The following MAP9 variants were observed in gnomAD, a reference collection of about 807,000 sequenced individuals.
MAP9 encodes microtubule-associated protein 9.
Under a neutral mutation model 75.2 loss-of-function variants are expected in MAP9, and 80 were observed. The observed-to-expected ratio is 1.06, with a 90% CI of 0.89 to 1.28. MAP9 has a LOEUF of 1.28. Ranked by LOEUF, MAP9 falls within the 50% of genes most tolerant of loss-of-function variation. The pLI, the probability that MAP9 is intolerant of heterozygous loss-of-function variation, is 0.00. For missense variants in MAP9, 753 were observed against 719.9 expected (o/e 1.05, Z -0.53); for synonymous variants, 235 against 237.3 (o/e 0.99, Z 0.09).
rs1466646457 is a variant in MAP9, at chr4:155,352,578, T to C, written c.1821+18A>G. ...GGTACATGAAAAAGACGAAAGTGCA[T>C]TGACAAATAATACCTACCAGCCATT... On this transcript the variant is annotated intron_variant, in intron 13 of 13. Transcript: ENST00000311277. 1 of 1,570,626 alleles carries C rather than the reference T, an allele frequency of 6.4e-7. No individual in the cohort carries two copies. Among genetic ancestry groups the C allele is most frequent in the Non-Finnish European group, 8.6e-7 (1 of 1,159,426 alleles).
intron 6 of MAP9, chr4:155,360,969 A>G (rs1732050545): frequency 6.5e-6 from 1 of 152,764 alleles, no homozygotes; most frequent in Non-Finnish European, 1.5e-5. Flanking sequence ...AGACAAGCCT[A>G]TTGCTTATCC....
chr4:155,357,914 G>C (rs1731878330), intron 7 of MAP9, among the ~76,000 whole-genome samples: 1 of 152,076 alleles, frequency 6.6e-6, no homozygotes, highest in Non-Finnish European at 1.5e-5. Context: ...GCCTGAGAAG[G>C]GACGGAACCT....
At chr4:155,375,241 C>T (rs995630) in intron 2 of MAP9, among the ~76,000 whole-genome samples, 66,155 of 152,020 alleles carry the variant, frequency 0.44, 19,480 homozygotes, top group African/African-American at 0.82. Context: ...TCATGGAGCT[C>T]GCAGTTTAAC....
intron 5 of MAP9, 46 bp downstream of exon 5, chr4:155,368,540 G>A: frequency 4.2e-6 from 6 of 1,428,590 alleles, no homozygotes; most frequent in Non-Finnish European, 5.9e-6. Flanking sequence ...AGATAAAAAA[G>A]CATAAATTCA....
intron 5 of MAP9, among the ~76,000 whole-genome samples, chr4:155,365,276 A>G (rs1732273461): frequency 6.6e-6 from 1 of 152,110 alleles, no homozygotes; most frequent in South Asian, 2.1e-4. Flanking sequence ...AGATAAGGAA[A>G]GGAATATTAC....
At chr4:155,365,928 A>G (rs1484390352) in intron 5 of MAP9, among the ~76,000 whole-genome samples, 1 of 152,104 alleles carries the variant, frequency 6.6e-6, no homozygotes, top group Non-Finnish European at 1.5e-5. Context: ...TAAAAATAAA[A>G]GGCATCAAAA....
rs1308258021 is a variant in MAP9, at chr4:155,374,862, TG to T, written c.160+74del. 45 of 875,876 alleles carry T rather than the reference TG, an allele frequency of 5.1e-5. No homozygotes were observed. In the East Asian group the frequency reaches 7.1e-4, roughly 14 times the overall value. 54.3% of individuals were successfully genotyped at this position (875,876 alleles called of 1,614,324 possible). Reference sequence around the variant, plus strand: ...ATACGTGATTGAGGGGATGGGTGGTTGGGGGGCTGGCTAAATACAAAACTAA... The same window carrying T: ...ATACGTGATTGAGGGGATGGGTGGTTGGGGGCTGGCTAAATACAAAACTAA... On this transcript the variant is annotated intron_variant, in intron 3 of 13. Coordinates refer to ENST00000311277, the MANE Select transcript of MAP9 (RefSeq NM_001039580.2).
Position 155,352,664 on chromosome 4 carries a change from C to T in MAP9, c.1753G>A (p.Glu585Lys), listed in dbSNP as rs1032314141. The T allele has an allele frequency of 2.0e-5, 30 of 1,536,886 alleles. No individual in the cohort carries two copies. The highest frequency in any genetic ancestry group is 3.6e-5 in the Admixed American group (2 of 54,932). ...EKEKINEKRK[E>K]ELKRAEKKDK... ...TTTTTCTCAGCTCTTTTCAGTTCTT[C>T]CTTTCTTTTCTCATTTATTTTTTCT... Residue 585 changes from glutamate to lysine, a missense_variant, in exon 13 of 14, where the codon GAA (glutamate) becomes AAA (lysine). Coordinates refer to ENST00000311277, the MANE Select transcript of MAP9 (RefSeq NM_001039580.2).
intron 6 of MAP9, among the ~76,000 whole-genome samples, chr4:155,361,797 A>G (rs542508616): frequency 1.1e-3 from 161 of 152,136 alleles, no homozygotes; most frequent in Non-Finnish European, 1.8e-3. Flanking sequence ...TAATGGCTAA[A>G]ATGCACTATA....
intron 13 of MAP9, among the ~76,000 whole-genome samples, chr4:155,349,142 C>T (rs1731397054): frequency 1.3e-5 from 1 of 79,914 alleles, no homozygotes; most frequent in Non-Finnish European, 2.7e-5. Flanking sequence ...ATAAGAGAAG[C>T]CACTCGTGAT....
intron 8 of MAP9, 76 bp from the exon 9 acceptor site, chr4:155,355,960 C>G (rs118121124): frequency 1.5e-6 from 2 of 1,304,892 alleles, no homozygotes; most frequent in East Asian, 4.8e-5. Context: ...AGAATATGCA[C>G]GTATAATATT....
At chr4:155,368,906 T>C in intron 4 of MAP9, 94 bp from the exon 5 acceptor site, 2 of 986,778 alleles carry the variant, frequency 2.0e-6, no homozygotes, top group South Asian at 1.7e-5. Context: ...CCTGTGCCTA[T>C]GCCCCTTTGT....
chr4:155,352,849 T>C, intron 12 of MAP9, 63 bp downstream of exon 12: 1 of 1,431,418 alleles, frequency 7.0e-7, no homozygotes, highest in South Asian at 1.4e-5. Flanking sequence ...AAATAAATTT[T>C]ATAAAATCCT....
intron 3 of MAP9, among the ~76,000 whole-genome samples, 195 bp from the exon 4 acceptor site, chr4:155,373,651 T>TA (rs1033620534): frequency 2.0e-5 from 3 of 152,208 alleles, no homozygotes; most frequent in Admixed American, 6.5e-5. Flanking sequence ...ATTTATGAAA[T>TA]AAAAATTCCA....
At chr4:155,358,194 T>C (rs575025657) in intron 7 of MAP9, among the ~76,000 whole-genome samples, 5 of 152,342 alleles carry the variant, frequency 3.3e-5, no homozygotes, top group East Asian at 1.9e-4. Context: ...TTGTTACATA[T>C]GAAATGCCTG....
intron 4 of MAP9, among the ~76,000 whole-genome samples, chr4:155,371,359 A>G (rs935589185): frequency 2.0e-5 from 3 of 152,016 alleles, no homozygotes; most frequent in African/African-American, 7.2e-5. Flanking sequence ...TAAATCATTC[A>G]TATATTAATT....
At chr4:155,353,911 T>C (rs1560804611) in intron 10 of MAP9, among the ~76,000 whole-genome samples, 1 of 152,348 alleles carries the variant, frequency 6.6e-6, no homozygotes, top group East Asian at 1.9e-4. Context: ...AGTTATGTTA[T>C]TATTTTACTT....
At chr4:155,362,287 T>C in intron 5 of MAP9, 146 bp from the exon 6 acceptor site, 1 of 554,500 alleles carries the variant, frequency 1.8e-6, no homozygotes, top group Non-Finnish European at 3.1e-6. Flanking sequence ...AAACGCAAAG[T>C]GTGACAAGCC....
chr4:155,363,417 A>T (rs993400181), intron 5 of MAP9: 1 of 152,126 alleles, frequency 6.6e-6, no homozygotes, highest in Non-Finnish European at 1.5e-5. Flanking sequence ...AAAACAAAAT[A>T]AAAAAACAGA....
Sources: allele counts gnomAD v4.1 joint callset (sites outside exome capture counted in the v4.1 genomes callset), GRCh38; gene constraint gnomAD v4.1.1; transcripts MANE v1.5; gene names NCBI Gene and HGNC (gene_info 2026-07-23, HGNC 2026-07-21).